The following DIAPH2 variants were observed in gnomAD, a reference collection of about 807,000 sequenced individuals.
DIAPH2 encodes diaphanous related formin 2.
In DIAPH2, 35 loss-of-function variants were observed where a neutral mutation model predicts 92.7. The ratio of observed to expected loss-of-function variants is 0.38; its 90% CI spans 0.29 to 0.50. The LOEUF (loss-of-function observed/expected upper bound fraction) is 0.50, where lower values mean the gene tolerates loss of function less well. Ranked by LOEUF, DIAPH2 falls within the 20% of genes least tolerant of loss-of-function variation. The probability of loss-of-function intolerance (pLI) is 0.94; values close to 1 mark genes in which losing one functional copy is unlikely to be tolerated. For synonymous variants in DIAPH2, 301 were observed against 280.4 expected, an observed-to-expected ratio of 1.07 and a Z score of -0.73; for missense variants, 701 against 819.5, an observed-to-expected ratio of 0.86 and a Z score of 1.77.
Position 96,945,509 on chromosome X carries a change from T to A in DIAPH2, c.1445-18T>A, listed in dbSNP as rs1433623533. The A allele has an allele frequency of 8.6e-7, 1 of 1,159,232 alleles. No individual in the cohort carries two copies. Among genetic ancestry groups the A allele is most frequent in the African/African-American group, 1.8e-5 (1 of 54,433 alleles). On this transcript the variant is annotated intron_variant, in intron 13 of 26. Coordinates refer to ENST00000324765, the MANE Select transcript of DIAPH2 (RefSeq NM_006729.5). ...TCTCATGCCATAATTTCGAATCACT[T>A]TTGTTTGATCTTAATAGATTCTTGT...
intron 26 of DIAPH2, among the ~76,000 whole-genome samples, chrX:97,452,889 T>G (rs1320988606): frequency 8.9e-6 from 1 of 111,930 alleles, no homozygotes; most frequent in Admixed American, 9.5e-5. Context: ...TACATATCCC[T>G]CTTGTCTTCC....
At chrX:97,562,218 G>A (rs374464574) in intron 26 of DIAPH2, among the ~76,000 whole-genome samples, 6 of 110,457 alleles carry the variant, frequency 5.4e-5, no homozygotes, top group East Asian at 2.8e-4. Context: ...TGTGATGGCC[G>A]GGCGCGGTGG....
At chrX:97,267,545 A>G (rs1177166293) in intron 23 of DIAPH2, among the ~76,000 whole-genome samples, 1 of 111,511 alleles carries the variant, frequency 9.0e-6, no homozygotes, top group African/African-American at 3.3e-5. Flanking sequence ...GGAAATGCCA[A>G]GCTCCCAGTT....
chrX:97,114,750 C>T lies in DIAPH2; in HGVS notation c.2374C>T (p.Pro792Ser). Residue 792 changes from proline (P) to serine (S), a missense_variant, in exon 21 of 27, where the codon CCT (proline) becomes TCT (serine). Around this residue, in one of 3 missense-constraint regions of DIAPH2, gnomAD observed 536 missense variants for 599.3 expected, o/e 0.89. Coordinates refer to ENST00000324765, the MANE Select transcript of DIAPH2 (RefSeq NM_006729.5). ...VVMSSVKMLQ[P>S]RLSSILFKLT... ...GATGAGCTCTGTGAAAATGTTACAG[C>T]CTCGTCTCAGTAGTATCCTGTTCAA... 8.3e-7 allele frequency: 1 copy of T among 1,206,484 alleles called. No homozygotes were observed. Among genetic ancestry groups the T allele is most frequent in the Non-Finnish European group, 1.1e-6 (1 of 892,804 alleles).
intron 22 of DIAPH2, among the ~76,000 whole-genome samples, chrX:97,204,862 C>T (rs1352555645): frequency 9.0e-6 from 1 of 111,498 alleles, no homozygotes; most frequent in Admixed American, 9.5e-5. Flanking sequence ...CCTGTATAGC[C>T]AAGACAATCC....
At chrX:97,373,173 A>G (rs778167384) in intron 24 of DIAPH2, among the ~76,000 whole-genome samples, 8 of 111,665 alleles carry the variant, frequency 7.2e-5, no homozygotes, top group Non-Finnish European at 1.5e-4. Flanking sequence ...TGTCATGGAT[A>G]TCGGGCCTCT....
At chrX:96,962,354 C>CATATATATACACATAT (rs2065860286) in intron 16 of DIAPH2, among the ~76,000 whole-genome samples, 2 of 42,138 alleles carry the variant, frequency 4.7e-5, no homozygotes, top group South Asian at 2.6e-3. Flanking sequence ...TATATATACA[C>CATATATATACACATAT]ATATATATAT....
At chrX:97,443,809 T>A (rs1260048458) in intron 26 of DIAPH2, among the ~76,000 whole-genome samples, 1 of 112,180 alleles carries the variant, frequency 8.9e-6, no homozygotes, top group East Asian at 2.8e-4. Context: ...CCCTATGTCA[T>A]TCTCAACTCA....
In DIAPH2 at chrX:97,081,849, C is replaced by T. The variant is rs752789751; in HGVS notation, c.2247+6588C>T. 62 of 107,055 alleles carry T rather than the reference C, an allele frequency of 5.8e-4. No homozygotes were observed. In the South Asian group the frequency reaches 0.012, roughly 20 times the overall value. 8.8% of individuals were successfully genotyped at this position (107,055 alleles called of 1,213,427 possible). ...AAAAAGAAAAAAAAAATTGGCCGGG[C>T]GTGGTGGCTCATGCCTGTAATCCCA... On this transcript the variant is annotated intron_variant, in intron 19 of 26. Coordinates refer to ENST00000324765, the MANE Select transcript of DIAPH2 (RefSeq NM_006729.5).
At chrX:97,172,381 C>T (rs772369915) in intron 22 of DIAPH2, among the ~76,000 whole-genome samples, 20 of 111,454 alleles carry the variant, frequency 1.8e-4, no homozygotes, top group Admixed American at 8.6e-4. Flanking sequence ...TCGATGTAGA[C>T]GGCATTTTAC....
At chrX:97,562,222 G>A (rs780893201) in intron 26 of DIAPH2, among the ~76,000 whole-genome samples, 16 of 110,298 alleles carry the variant, frequency 1.5e-4, no homozygotes, top group South Asian at 4.0e-4. Context: ...ATGGCCGGGC[G>A]CGGTGGCTCA....
At chrX:96,884,287 T>C in intron 5 of DIAPH2, 1 of 1,189,807 alleles carries the variant, frequency 8.4e-7, no homozygotes, top group Non-Finnish European at 1.1e-6. Context: ...GCCCACCTTC[T>C]CCTCAGCCTG....
chrX:97,080,885 A>G (rs1263352512), intron 19 of DIAPH2, among the ~76,000 whole-genome samples: 7 of 111,696 alleles, frequency 6.3e-5, no homozygotes. Flanking sequence ...CATCTTTGTA[A>G]TCATTGATCT....
In DIAPH2 at chrX:97,141,797, A is replaced by C. The variant is rs1233120965; in HGVS notation, c.2719+3A>C. On this transcript the variant is annotated splice_donor_region_variant and intron_variant, in intron 22 of 26. Coordinates refer to ENST00000324765, the MANE Select transcript of DIAPH2 (RefSeq NM_006729.5). ...ACACGTAGAAAGTGCAAGCAAAGGTAATTGATTTATAACTACTTTGAGATT... is the reference window on the plus strand; with the variant it reads ...ACACGTAGAAAGTGCAAGCAAAGGTCATTGATTTATAACTACTTTGAGATT... 1 of 1,200,838 alleles carries C rather than the reference A, an allele frequency of 8.3e-7. No homozygotes were observed. The highest frequency in any genetic ancestry group is 1.1e-6 in the Non-Finnish European group (1 of 890,956).
At position 97,547,347 on chromosome X, in the gene DIAPH2, G is replaced by C. The variant is rs1266548643; in HGVS notation, c.3242-51906G>C. Among the ~76,000 whole-genome samples the C allele has an allele frequency of 7.1e-5, 8 of 111,934 alleles. No individual in the cohort carries two copies. In the Admixed American group the frequency reaches 7.6e-4, roughly 11 times the overall value. On this transcript the variant is annotated intron_variant, in intron 26 of 26. Transcript: ENST00000324765. Reference sequence around the variant, plus strand: ...AGTTTTAATCTGGTTAAGTTGAATAGAGTTTGTCTTCTAGCTTTTGCTGTG... The same window carrying C: ...AGTTTTAATCTGGTTAAGTTGAATACAGTTTGTCTTCTAGCTTTTGCTGTG...
In DIAPH2 at chrX:96,854,893, A is replaced by G. The variant is rs191799744; in HGVS notation, c.448-26686A>G. Among the ~76,000 whole-genome samples, 229 of 108,028 alleles carry G rather than the reference A, an allele frequency of 2.1e-3. 1 individual carries two copies. The highest frequency in any genetic ancestry group is 3.8e-3 in the Non-Finnish European group (200 of 52,042). 93.8% of individuals were successfully genotyped at this position (108,028 alleles called of 115,157 possible). On this transcript the variant is annotated intron_variant, in intron 4 of 26. Coordinates refer to ENST00000324765, the MANE Select transcript of DIAPH2 (RefSeq NM_006729.5). ...AAGCTGTGGAAGGGTAAACAAAACT[A>G]TGGATAAGTGGGGGGCTACTGTAAC...
intron 1 of DIAPH2, among the ~76,000 whole-genome samples, chrX:96,693,059 A>G (rs1262241775): frequency 2.7e-5 from 3 of 112,210 alleles, no homozygotes; most frequent in South Asian, 3.7e-4. Context: ...TGGGTGGAGT[A>G]GGTAAATATG....
At chrX:96,842,213 G>A (rs2064941568) in intron 4 of DIAPH2, among the ~76,000 whole-genome samples, 1 of 111,676 alleles carries the variant, frequency 9.0e-6, no homozygotes, top group Admixed American at 9.6e-5. Context: ...TTCTGTTGGT[G>A]TAATGTCCCT....
intron 4 of DIAPH2, among the ~76,000 whole-genome samples, chrX:96,860,321 A>T (rs1165284716): frequency 8.9e-6 from 1 of 112,256 alleles, no homozygotes; most frequent in African/African-American, 3.2e-5. Context: ...AGGTTTGGAT[A>T]GATAAATGTG....
Sources: gnomAD v4.1 joint callset for allele counts (sites outside exome capture counted in the v4.1 genomes callset) on GRCh38, gnomAD v4.1.1 for gene constraint, gnomAD v4.1.1 regional missense constraint, MANE v1.5 for transcripts, NCBI Gene and HGNC (gene_info 2026-07-23, HGNC 2026-07-21) for gene names.